Variants in RANBP2 observed in about 807,000 individuals in gnomAD.
RANBP2 encodes E3 SUMO-protein ligase RanBP2.
A neutral mutation model predicts 303.6 loss-of-function variants in RANBP2; 57 were observed. The ratio of observed to expected loss-of-function variants is 0.19; its 90% confidence interval spans 0.15 to 0.23. The LOEUF is 0.23. Ranked by LOEUF, RANBP2 falls within the 10% of genes least tolerant of loss-of-function variation. The pLI is 1.00. For synonymous variants in RANBP2, 1,167 were observed against 1,301.5 expected (o/e 0.90, Z 2.23); for missense variants, 3,138 against 3,780.8 (o/e 0.83, Z 4.46).
chr2:109,012,744 C>G, the RANBP2 span, among the ~76,000 whole-genome samples: 2 of 152,156 alleles, frequency 1.3e-5, no homozygotes, highest in Admixed American at 6.5e-5. Context: ...GAAACCCCAT[C>G]TCTACTAAAG....
the RANBP2 span, among the ~76,000 whole-genome samples, chr2:109,078,469 G>A: frequency 1.0e-3 from 150 of 148,698 alleles, 2 homozygotes; most frequent in African/African-American, 3.4e-3. Context: ...ATACATAGAA[G>A]CAGAGAGTAG....
At chr2:108,880,248 C>T in the RANBP2 span, among the ~76,000 whole-genome samples, 1 of 149,738 alleles carries the variant, frequency 6.7e-6, no homozygotes, top group Non-Finnish European at 1.5e-5. Flanking sequence ...AGAGAAGGCA[C>T]AGATTGCTAA....
chr2:108,857,712 A>G, the RANBP2 span, among the ~76,000 whole-genome samples: 2 of 152,318 alleles, frequency 1.3e-5, no homozygotes, highest in Non-Finnish European at 2.9e-5. Context: ...TCAGTTTACT[A>G]ATGTAAGGAG....
chr2:109,060,561 T>C, the RANBP2 span, among the ~76,000 whole-genome samples: 1 of 152,234 alleles, frequency 6.6e-6, no homozygotes, highest in African/African-American at 2.4e-5. Context: ...GAATAGATAA[T>C]ACTCAATTTT....
the RANBP2 span, among the ~76,000 whole-genome samples, chr2:109,096,183 G>A: frequency 6.6e-6 from 1 of 151,966 alleles, no homozygotes; most frequent in Non-Finnish European, 1.5e-5. Context: ...AATTGATTAG[G>A]TTCCCTAAAG....
Position 108,767,906 on chromosome 2 carries a change from C to G in RANBP2, c.7367C>G (p.Ser2456Ter). 6.2e-7 allele frequency: 1 copy of G among 1,611,328 alleles called. No homozygotes were observed. ...DSLITPHVSR[S>*]STPRESPCGK... The stretch of plus-strand genomic sequence containing the variant: ...TTGATAACACCTCATGTTTCTCGGT[C>G]AAGCACTCCCAGAGAGTCACCATGT... The change falls in exon 20 of 29, where the codon TCA (serine) becomes TGA (stop). Residue 2456 changes from serine to a stop codon, truncating the protein, a stop_gained. Transcript: ENST00000283195. LOFTEE classifies it high-confidence loss of function.
the RANBP2 span, among the ~76,000 whole-genome samples, chr2:108,928,172 C>T: frequency 6.6e-6 from 1 of 152,176 alleles, no homozygotes; most frequent in Non-Finnish European, 1.5e-5. Context: ...AACTCTTGCT[C>T]TGGCCACAGG....
chr2:109,423,908 A>G, the RANBP2 span, among the ~76,000 whole-genome samples: 3 of 152,188 alleles, frequency 2.0e-5, no homozygotes, highest in African/African-American at 4.8e-5. Context: ...AGGTGGGGAA[A>G]TGGAGGAGAT....
chr2:109,504,920 G>T, the RANBP2 span, among the ~76,000 whole-genome samples: 5 of 152,198 alleles, frequency 3.3e-5, no homozygotes, highest in African/African-American at 1.2e-4. Context: ...TGGGCTGGGT[G>T]GGGAGGGTCT....
rs942182284 is a variant in RANBP2 at position 108,783,689 on chromosome 2, C to G, written c.9463C>G (p.Pro3155Ala). The G allele has an allele frequency of 6.2e-7, 1 of 1,609,930 alleles. No individual in the cohort carries two copies. Among genetic ancestry groups the G allele is most frequent in the East Asian group, 2.2e-5 (1 of 44,834 alleles). ...DENFDVKHTGPGLLSMANQGQ... is the reference protein window; with the variant it reads ...DENFDVKHTGAGLLSMANQGQ... Reference sequence around the variant, plus strand: ...AAATTTTGATGTGAAACATACTGGTCCTGGTTTACTATCCATGGCCAATCA... The same window carrying G: ...AAATTTTGATGTGAAACATACTGGTGCTGGTTTACTATCCATGGCCAATCA... The change falls in exon 29 of 29, where the codon CCT (proline) becomes GCT (alanine). Residue 3155 changes from proline to alanine, a missense_variant. Around this residue, in one of 20 missense-constraint regions of RANBP2, gnomAD observed 204 missense variants for 228.4 expected, o/e 0.89. Coordinates refer to ENST00000283195, the MANE Select transcript of RANBP2 (RefSeq NM_006267.5).
the RANBP2 span, among the ~76,000 whole-genome samples, chr2:108,960,315 C>T: frequency 6.6e-6 from 1 of 152,116 alleles, no homozygotes; most frequent in Non-Finnish European, 1.5e-5. Context: ...ATTGTCTGAA[C>T]AAAAAAAGTG....
At chr2:108,913,665 C>A in the RANBP2 span, among the ~76,000 whole-genome samples, 1 of 152,096 alleles carries the variant, frequency 6.6e-6, no homozygotes, top group Non-Finnish European at 1.5e-5. Flanking sequence ...AAAGTGTATG[C>A]GATAGCTATC....
the RANBP2 span, among the ~76,000 whole-genome samples, chr2:109,362,995 TTG>T: frequency 6.6e-6 from 1 of 152,208 alleles, no homozygotes; most frequent in Non-Finnish European, 1.5e-5. Flanking sequence ...TAGTTGTATC[TTG>T]TTTTATTTTA....
the RANBP2 span, among the ~76,000 whole-genome samples, chr2:108,973,210 A>C: frequency 1.3e-5 from 2 of 151,792 alleles, no homozygotes; most frequent in Non-Finnish European, 2.9e-5. Context: ...CTGGTGTTGA[A>C]CTCCTGACAT....
the RANBP2 span, among the ~76,000 whole-genome samples, chr2:108,861,724 G>A: frequency 0.02 from 3,101 of 151,966 alleles, 104 homozygotes; most frequent in African/African-American, 0.071. Flanking sequence ...CCAGTGATCC[G>A]CCCACCTCTT....
the RANBP2 span, among the ~76,000 whole-genome samples, chr2:108,917,835 G>A: frequency 6.6e-6 from 1 of 152,138 alleles, no homozygotes; most frequent in Non-Finnish European, 1.5e-5. Flanking sequence ...AATGGGTGTG[G>A]TTTGAGGGCA....
At chr2:109,173,698 A>G in the RANBP2 span, among the ~76,000 whole-genome samples, 2 of 152,190 alleles carry the variant, frequency 1.3e-5, no homozygotes, top group Admixed American at 1.3e-4. Context: ...CAGTGAATGT[A>G]AGATGGGAAA....
the RANBP2 span, among the ~76,000 whole-genome samples, chr2:109,531,636 A>G: frequency 6.6e-5 from 10 of 152,360 alleles, no homozygotes; most frequent in African/African-American, 2.2e-4. Context: ...TTAGGTTTTA[A>G]TCAAAGACTT....
At chr2:108,791,865 C>T in the RANBP2 span, 2 of 1,465,194 alleles carry the variant, frequency 1.4e-6, no homozygotes, top group African/African-American at 1.4e-5. Flanking sequence ...GTAAATGAAG[C>T]TTCCCTCCTA....
Sources: gnomAD v4.1 joint callset for allele counts (sites outside exome capture counted in the v4.1 genomes callset) on GRCh38, gnomAD v4.1.1 for gene constraint, gnomAD v4.1.1 regional missense constraint, MANE v1.5 for transcripts, NCBI Gene and HGNC (gene_info 2026-07-23, HGNC 2026-07-21) for gene names.